The following TRPM3 variants were observed in gnomAD, a reference collection of about 807,000 sequenced individuals.
The protein encoded by TRPM3 is transient receptor potential cation channel subfamily M member 3.
A neutral mutation model predicts 181.2 loss-of-function variants in TRPM3; 77 were observed. That is an observed-to-expected ratio of 0.42 (90% CI 0.35 to 0.51). TRPM3 has a LOEUF of 0.51. TRPM3 is among the 20% of genes least tolerant of loss of function. The pLI is 0.01. For missense variants in TRPM3, 1,759 were observed against 2,196.7 expected (o/e 0.80, Z 3.98); for synonymous variants, 745 against 796.4 (o/e 0.94, Z 1.09).
intron 1 of TRPM3, among the ~76,000 whole-genome samples, chr9:71,081,450 C>T (rs2064326428): frequency 6.6e-6 from 1 of 152,094 alleles, no homozygotes; most frequent in Non-Finnish European, 1.5e-5. Flanking sequence ...GGATTAAATT[C>T]TTACATTGGT....
intron 1 of TRPM3, among the ~76,000 whole-genome samples, chr9:71,424,275 A>C (rs537103420): frequency 1.3e-5 from 2 of 152,246 alleles, no homozygotes; most frequent in South Asian, 4.1e-4. Context: ...GCCATTTATT[A>C]CCTTGTGGCA....
At chr9:70,854,274 A>G (rs190900296) in intron 3 of TRPM3, among the ~76,000 whole-genome samples, 3 of 152,252 alleles carry the variant, frequency 2.0e-5, no homozygotes, top group Non-Finnish European at 4.4e-5. Flanking sequence ...TGGTGCTCCC[A>G]TTTACAGATA....
At chr9:71,368,527 C>T (rs1158648274) in intron 1 of TRPM3, among the ~76,000 whole-genome samples, 1 of 152,152 alleles carries the variant, frequency 6.6e-6, no homozygotes, top group Admixed American at 6.5e-5. Context: ...TTGTTCAATC[C>T]TATTTGCCAA....
chr9:70,880,922 A>G (rs1255196782), intron 1 of TRPM3, among the ~76,000 whole-genome samples: 1 of 152,034 alleles, frequency 6.6e-6, no homozygotes, highest in African/African-American at 2.4e-5. Flanking sequence ...TGTGTTCCCA[A>G]CTGTGACTGG....
intron 1 of TRPM3, among the ~76,000 whole-genome samples, chr9:70,979,288 A>G (rs144250453): frequency 2.2e-4 from 34 of 152,276 alleles, no homozygotes; most frequent in African/African-American, 7.5e-4. Flanking sequence ...TTCATTTATC[A>G]GATATTTATT....
At chr9:70,661,284 T>C (rs2061099754) in intron 9 of TRPM3, among the ~76,000 whole-genome samples, 1 of 152,016 alleles carries the variant, frequency 6.6e-6, no homozygotes, top group African/African-American at 2.4e-5. Context: ...AGAAGGGACT[T>C]ACTTTAAAGT....
intron 21 of TRPM3, among the ~76,000 whole-genome samples, chr9:70,597,827 C>T (rs1014077515): frequency 6.6e-6 from 1 of 152,146 alleles, no homozygotes; most frequent in Admixed American, 6.6e-5. Context: ...CAGTTCAAAC[C>T]CAACTCAACC....
Position 70,553,177 on chromosome 9 carries a change from G to A in TRPM3, c.3357C>T (p.Leu1119=). The change falls in exon 23 of 26, where the codon CTC becomes CTT. Residue 1119 remains leucine, a synonymous_variant. Transcript: ENST00000677713. Reference sequence around the variant, plus strand: ...CCACTTACTTAAAGACAGCAATGAGGAGGTTGACCAGCAAGATGTTTGCCA... The same window carrying A: ...CCACTTACTTAAAGACAGCAATGAGAAGGTTGACCAGCAAGATGTTTGCCA... ...LLVANILLVN[L]LIAVFNNTFF... The A allele has an allele frequency of 6.2e-7, 1 of 1,614,118 alleles. No individual in the cohort carries two copies.
At chr9:70,674,561 T>TAA (rs1372954375) in intron 9 of TRPM3, among the ~76,000 whole-genome samples, 1 of 151,872 alleles carries the variant, frequency 6.6e-6, no homozygotes, top group African/African-American at 2.4e-5. Context: ...ATTATATATA[T>TAA]AATTTTTTTT....
intron 11 of TRPM3, among the ~76,000 whole-genome samples, chr9:70,637,647 T>C (rs1285289018): frequency 6.6e-6 from 1 of 152,206 alleles, no homozygotes; most frequent in African/African-American, 2.4e-5. Flanking sequence ...AACCCGTTTC[T>C]ATTTTTTGCA....
Position 71,197,019 on chromosome 9 carries a change from A to C in TRPM3, c.183+249634T>G, listed in dbSNP as rs528494809. 8.6e-5 allele frequency among the ~76,000 whole-genome samples: 13 copies of C among 151,874 alleles called. No individual in the cohort carries two copies. In the East Asian group the frequency reaches 1.9e-3, roughly 23 times the overall value. On this transcript the variant is annotated intron_variant, in intron 1 of 24. Transcript: ENST00000357533. ...ATCTCCCAATGCTATCTCTCCCCCG[A>C]CTTCCCACACCCCACAAGAGTCCCC...
intron 7 of TRPM3, among the ~76,000 whole-genome samples, chr9:70,777,595 G>A (rs2081607337): frequency 6.6e-6 from 1 of 151,926 alleles, no homozygotes. Context: ...TACTACAGAG[G>A]CAAAAACTGC....
At chr9:71,335,276 C>A (rs747478185) in intron 1 of TRPM3, among the ~76,000 whole-genome samples, 10 of 152,082 alleles carry the variant, frequency 6.6e-5, no homozygotes, top group Non-Finnish European at 1.5e-4. Flanking sequence ...CTAGACCCTG[C>A]CCTGAAACCC....
chr9:71,171,326 C>G (rs2076843355), intron 1 of TRPM3, among the ~76,000 whole-genome samples: 1 of 152,144 alleles, frequency 6.6e-6, no homozygotes, highest in Non-Finnish European at 1.5e-5. Flanking sequence ...GTCTGTCACC[C>G]ACACCTATTC....
chr9:71,208,141 T>G (rs1311031814), intron 1 of TRPM3, among the ~76,000 whole-genome samples: 1 of 152,100 alleles, frequency 6.6e-6, no homozygotes, highest in African/African-American at 2.4e-5. Context: ...TGTGCAGGTG[T>G]TTTGCCAAAG....
intron 1 of TRPM3, among the ~76,000 whole-genome samples, chr9:71,426,882 C>G (rs1255290207): frequency 1.3e-5 from 2 of 151,236 alleles, no homozygotes; most frequent in Non-Finnish European, 2.9e-5. Flanking sequence ...CCTCTGTCTT[C>G]AGAAACGCCT....
At chr9:70,663,721 T>C (rs2061434980) in intron 9 of TRPM3, among the ~76,000 whole-genome samples, 1 of 152,202 alleles carries the variant, frequency 6.6e-6, no homozygotes, top group Admixed American at 6.5e-5. Context: ...AATTTATCTC[T>C]GGTATTAGGA....
intron 1 of TRPM3, among the ~76,000 whole-genome samples, chr9:71,400,833 AAAC>A (rs2093326046): frequency 6.6e-6 from 1 of 152,004 alleles, no homozygotes; most frequent in African/African-American, 2.4e-5. Flanking sequence ...GACACAGAAA[AAAC>A]AACTTTATAA....
intron 1 of TRPM3, among the ~76,000 whole-genome samples, chr9:71,138,494 A>G (rs1469249678): frequency 6.6e-6 from 1 of 152,146 alleles, no homozygotes; most frequent in African/African-American, 2.4e-5. Flanking sequence ...CAGTATATAT[A>G]TGAGTTTCTA....
Sources: allele counts gnomAD v4.1 joint callset (sites outside exome capture counted in the v4.1 genomes callset), GRCh38; gene constraint gnomAD v4.1.1; transcripts MANE v1.5; gene names NCBI Gene and HGNC (gene_info 2026-07-23, HGNC 2026-07-21).